PTPRT: variants seen among roughly 807,000 people sequenced by gnomAD.
PTPRT encodes the protein protein tyrosine phosphatase receptor type T.
Under a neutral mutation model 176.8 loss-of-function variants are expected in PTPRT, and 56 were observed. The ratio of observed to expected loss-of-function variants is 0.32; its 90% CI spans 0.26 to 0.40. The LOEUF is 0.40. Ranked by LOEUF, PTPRT falls within the 10% of genes least tolerant of loss-of-function variation. The pLI, the probability that PTPRT is intolerant of heterozygous loss-of-function variation, is 1.00. For missense variants in PTPRT, 1,540 were observed against 1,908.2 expected, an observed-to-expected ratio of 0.81 and a Z score of 3.60; for synonymous variants, 783 against 739.0, an observed-to-expected ratio of 1.06 and a Z score of -0.96.
chr20:42,738,000 C>T (rs776120943), intron 6 of PTPRT, among the ~76,000 whole-genome samples: 5 of 152,250 alleles, frequency 3.3e-5, no homozygotes, highest in Middle Eastern at 3.4e-3. Context: ...TCATCTCACT[C>T]ATACCTCACA....
intron 7 of PTPRT, among the ~76,000 whole-genome samples, chr20:42,653,874 T>C (rs1472516414): frequency 2.0e-5 from 3 of 152,202 alleles, no homozygotes; most frequent in Admixed American, 2.0e-4. Context: ...TATAAAGGCA[T>C]GTAGACACAT....
At chr20:42,104,263 G>C (rs1482541708) in intron 25 of PTPRT, among the ~76,000 whole-genome samples, 2 of 152,166 alleles carry the variant, frequency 1.3e-5, no homozygotes, top group African/African-American at 4.8e-5. Flanking sequence ...GAGCCCAGGA[G>C]TTGAAGACCA....
In PTPRT at chr20:42,616,210, C is replaced by G. The variant is rs1170482227; in HGVS notation, c.1153+61656G>C. On this transcript the variant is annotated intron_variant, in intron 7 of 30. Coordinates refer to ENST00000373187, the MANE Select transcript of PTPRT (RefSeq NM_007050.6). ...TAAATAGGGAATCCTTTCCCCATTG[C>G]TTGTTTTTCTCAGGTTTGTCAAAGA... Among the ~76,000 whole-genome samples, 23 of 124,270 alleles carry G rather than the reference C, an allele frequency of 1.9e-4. No homozygotes were observed. The East Asian group carries it at 4.4e-3, about 24-fold the overall frequency. 81.5% of individuals were successfully genotyped at this position (124,270 alleles called of 152,430 possible). A position where few individuals can be genotyped will look rare whatever the true frequency, so the allele number is the denominator to read the frequency against.
At chr20:42,236,087 C>A in intron 15 of PTPRT, 142 bp downstream of exon 15, 1 of 635,688 alleles carries the variant, frequency 1.6e-6, no homozygotes. Context: ...CACATTTATG[C>A]AAAATAAAAA....
At chr20:42,532,056 G>A (rs1320515195) in intron 7 of PTPRT, among the ~76,000 whole-genome samples, 1 of 152,158 alleles carries the variant, frequency 6.6e-6, no homozygotes, top group African/African-American at 2.4e-5. Flanking sequence ...GATAGGCAAG[G>A]CTATGGGGAC....
rs1307316637 is a variant in PTPRT, at chr20:42,874,721, G to C, written c.214+11086C>G. ...CAGTTTCCTCCTCTTTAAAATAAGG[G>C]TGATAATAACATCCAGCTCACAGTG... On this transcript the variant is annotated intron_variant, in intron 2 of 30. Coordinates refer to ENST00000373187, the MANE Select transcript of PTPRT (RefSeq NM_007050.6). Among the ~76,000 whole-genome samples the C allele has an allele frequency of 2.0e-5, 3 of 152,242 alleles. No homozygotes were observed. In the East Asian group the frequency reaches 5.8e-4, roughly 29 times the overall value.
chr20:42,137,219 A>G (rs1322295754), intron 18 of PTPRT, among the ~76,000 whole-genome samples: 1 of 152,202 alleles, frequency 6.6e-6, no homozygotes, highest in African/African-American at 2.4e-5. Context: ...AGAGACAGTG[A>G]AGAAGAATGG....
chr20:43,117,618 G>A (rs1813263158), intron 1 of PTPRT, among the ~76,000 whole-genome samples: 1 of 152,116 alleles, frequency 6.6e-6, no homozygotes, highest in South Asian at 2.1e-4. Context: ...GAAACTCTCA[G>A]ACATTCTGTG....
At chr20:42,706,864 A>T (rs2076067909) in intron 6 of PTPRT, among the ~76,000 whole-genome samples, 1 of 152,236 alleles carries the variant, frequency 6.6e-6, no homozygotes, top group African/African-American at 2.4e-5. Flanking sequence ...GTTGTTGCAG[A>T]TGTAATCTGT....
intron 1 of PTPRT, among the ~76,000 whole-genome samples, chr20:43,112,185 C>G (rs2425610): frequency 0.51 from 77,207 of 152,052 alleles, 21,329 homozygotes; most frequent in African/African-American, 0.74. Context: ...TTATCAATTA[C>G]GTAACATCTA....
intron 2 of PTPRT, among the ~76,000 whole-genome samples, chr20:42,810,884 T>C (rs1424736045): frequency 6.6e-6 from 1 of 152,212 alleles, no homozygotes; most frequent in African/African-American, 2.4e-5. Context: ...TCCTTCTATT[T>C]AGGTTTAAAT....
intron 8 of PTPRT, among the ~76,000 whole-genome samples, chr20:42,458,932 A>C (rs2070970011): frequency 6.6e-6 from 1 of 152,192 alleles, no homozygotes; most frequent in Non-Finnish European, 1.5e-5. Flanking sequence ...TGTGGAATGC[A>C]TTCTAGTGGG....
intron 6 of PTPRT, among the ~76,000 whole-genome samples, chr20:42,714,970 G>T (rs2076201488): frequency 6.6e-6 from 1 of 152,202 alleles, no homozygotes; most frequent in Non-Finnish European, 1.5e-5. Flanking sequence ...AAATGTGAGA[G>T]GTTGACCAGT....
chr20:43,183,386 C>A (rs1425420030), intron 1 of PTPRT, among the ~76,000 whole-genome samples: 1 of 152,156 alleles, frequency 6.6e-6, no homozygotes. Context: ...GCATCAGTAG[C>A]CCCATTTTAC....
chr20:42,867,403 T>C (rs1328085369), intron 2 of PTPRT, among the ~76,000 whole-genome samples: 1 of 148,782 alleles, frequency 6.7e-6, no homozygotes, highest in Non-Finnish European at 1.5e-5. Flanking sequence ...TTTTTTTTTT[T>C]TTTTTTTTTT....
intron 9 of PTPRT, among the ~76,000 whole-genome samples, chr20:42,410,213 G>C (rs988325385): frequency 6.6e-6 from 1 of 152,002 alleles, no homozygotes; most frequent in Non-Finnish European, 1.5e-5. Context: ...GAGGTACTCA[G>C]AAGGAGGAAT....
intron 13 of PTPRT, among the ~76,000 whole-genome samples, chr20:42,256,852 G>A (rs1368594725): frequency 6.6e-6 from 1 of 152,184 alleles, no homozygotes; most frequent in African/African-American, 2.4e-5. Flanking sequence ...CAGAAGTAAG[G>A]ATCACCCAAC....
chr20:42,665,044 G>T (rs956304781), intron 7 of PTPRT, among the ~76,000 whole-genome samples: 4 of 152,004 alleles, frequency 2.6e-5, no homozygotes, highest in Non-Finnish European at 5.9e-5. Context: ...CATGGGCAAG[G>T]ACTTCATGTC....
intron 1 of PTPRT, among the ~76,000 whole-genome samples, chr20:42,961,518 G>T (rs545799294): frequency 6.6e-6 from 1 of 152,304 alleles, no homozygotes; most frequent in South Asian, 2.1e-4. Context: ...CAGAGGAAAA[G>T]GTTAACACAA....
Sources: allele counts gnomAD v4.1 joint callset (sites outside exome capture counted in the v4.1 genomes callset), GRCh38; gene constraint gnomAD v4.1.1; transcripts MANE v1.5; gene names NCBI Gene and HGNC (gene_info 2026-07-23, HGNC 2026-07-21).